ANK3: variants seen among roughly 807,000 people sequenced by gnomAD.
The protein encoded by ANK3 is ankyrin-3.
Under a neutral mutation model 370.9 loss-of-function variants are expected in ANK3, and 57 were observed. The ratio of observed to expected loss-of-function variants is 0.15; its 90% CI spans 0.12 to 0.19. The LOEUF (loss-of-function observed/expected upper bound fraction) is 0.19. Among genes scored for constraint, ANK3 ranks in the 10% least tolerant of loss-of-function variants. The pLI is 1.00. For missense variants in ANK3, 4,439 were observed against 5,302.1 expected (o/e 0.84, Z 5.06); for synonymous variants, 1,929 against 1,946.3 (o/e 0.99, Z 0.23).
intron 2 of ANK3, among the ~76,000 whole-genome samples, chr10:60,529,679 AAC>A (rs1477600513): frequency 6.6e-6 from 1 of 152,148 alleles, no homozygotes; most frequent in African/African-American, 2.4e-5. Flanking sequence ...AACACCAGCT[AAC>A]AGCTTTTAGT....
intron 2 of ANK3, among the ~76,000 whole-genome samples, chr10:60,462,133 T>C (rs2064901021): frequency 1.3e-5 from 2 of 151,950 alleles, no homozygotes; most frequent in African/African-American, 4.8e-5. Flanking sequence ...TGCTTTTCCA[T>C]GATTGGAAGG....
At chr10:60,138,870 A>C (rs1344830482) in intron 24 of ANK3, 94 bp downstream of exon 24, 1 of 1,517,292 alleles carries the variant, frequency 6.6e-7, no homozygotes, top group Non-Finnish European at 9.0e-7. Flanking sequence ...CAAAGAACAC[A>C]TTTTGGGATA....
At chr10:60,562,409 G>A (rs1006643512) in intron 2 of ANK3, among the ~76,000 whole-genome samples, 7 of 150,274 alleles carry the variant, frequency 4.7e-5, no homozygotes, top group Non-Finnish European at 7.4e-5. Context: ...CATTTGTTTC[G>A]GGGGGGGCAT....
chr10:60,180,615 C>CAA (rs990463587), intron 18 of ANK3, among the ~76,000 whole-genome samples: 26,052 of 101,526 alleles, frequency 0.26, 3,351 homozygotes, highest in African/African-American at 0.36. Context: ...AAAAAAAAAC[C>CAA]AAAAAAAAAA....
chr10:60,099,889 A>G (rs2090864429), intron 28 of ANK3, among the ~76,000 whole-genome samples: 1 of 149,118 alleles, frequency 6.7e-6, no homozygotes, highest in African/African-American at 2.5e-5. Flanking sequence ...CTGATGTCCA[A>G]CCTCGTGGAC....
At position 60,621,192 on chromosome 10, in the gene ANK3, C is replaced by T. The variant is rs539406540; in HGVS notation, c.58-5968G>A. Among the ~76,000 whole-genome samples, 50 of 152,228 alleles carry T rather than the reference C, an allele frequency of 3.3e-4. No homozygotes were observed. The South Asian group carries it at 9.1e-3, about 28-fold the overall frequency. The stretch of plus-strand genomic sequence containing the variant: ...GCAATGCAATGCAATGCAATGTGTT[C>T]GCTTATACCTACAAATGCACCTGCC... On this transcript the variant is annotated intron_variant, in intron 1 of 43. Coordinates refer to the ANK3 transcript ENST00000373827.
intron 2 of ANK3, among the ~76,000 whole-genome samples, chr10:60,435,189 G>T (rs995021814): frequency 6.6e-6 from 1 of 152,132 alleles, no homozygotes; most frequent in Non-Finnish European, 1.5e-5. Context: ...TAGGATTACG[G>T]GTTGAATCTG....
At chr10:60,490,423 T>A (rs2075464718) in intron 2 of ANK3, among the ~76,000 whole-genome samples, 1 of 152,138 alleles carries the variant, frequency 6.6e-6, no homozygotes, top group East Asian at 1.9e-4. Flanking sequence ...ACCTCCTCCA[T>A]CCTTAACCCT....
At chr10:60,301,061 T>C (rs1309935698) in intron 1 of ANK3, among the ~76,000 whole-genome samples, 1 of 150,412 alleles carries the variant, frequency 6.6e-6, no homozygotes, top group Non-Finnish European at 1.5e-5. Flanking sequence ...TACAGCACTA[T>C]GCCAAACTCA....
At chr10:60,172,585 C>T (rs2132313804) in intron 20 of ANK3, among the ~76,000 whole-genome samples, 182 bp from the exon 21 acceptor site, 1 of 152,290 alleles carries the variant, frequency 6.6e-6, no homozygotes, top group East Asian at 1.9e-4. Flanking sequence ...AAAGTCTGGG[C>T]AGCTACACAT....
intron 26 of ANK3, among the ~76,000 whole-genome samples, chr10:60,110,130 C>A (rs937418386): frequency 6.6e-6 from 1 of 152,114 alleles, no homozygotes; most frequent in Non-Finnish European, 1.5e-5. Flanking sequence ...AAGTCCCATC[C>A]ATCAAAAATC....
intron 2 of ANK3, among the ~76,000 whole-genome samples, chr10:60,547,089 CTTTT>C (rs5785455): frequency 1.7e-5 from 2 of 120,774 alleles, no homozygotes; most frequent in Non-Finnish European, 1.6e-5. Context: ...CAATGCAACT[CTTTT>C]TTTTTTTTTT....
chr10:60,260,916 C>T lies in ANK3; in HGVS notation c.798+943G>A, dbSNP rs151316834. ...TTTATGAATTACCCAATCTCAGACA[C>T]CTCTTTATAGCAATGTGAAAACAGA... On this transcript the variant is annotated intron_variant, in intron 7 of 43. Coordinates refer to ENST00000280772, the MANE Select transcript of ANK3 (RefSeq NM_020987.5). 3.1e-3 allele frequency among the ~76,000 whole-genome samples: 466 copies of T among 152,232 alleles called. 2 individuals are homozygous for T. The highest frequency in any genetic ancestry group is 0.011 in the African/African-American group (442 of 41,526).
chr10:60,174,960 T>A (rs4486576), intron 18 of ANK3, among the ~76,000 whole-genome samples: 11,637 of 152,236 alleles, frequency 0.076, 595 homozygotes, highest in East Asian at 0.23. Context: ...GCTCAAGTGA[T>A]CTTCCTGCCT....
In ANK3 at chr10:60,075,298, C is replaced by T. The variant is rs548657898; in HGVS notation, c.5583G>A (p.Thr1861=). 140 of 1,614,090 alleles carry T rather than the reference C, an allele frequency of 8.7e-5. No individual in the cohort carries two copies. Among genetic ancestry groups the T allele is most frequent in the South Asian group, 7.9e-4 (72 of 91,078 alleles). ...TGAAGTGAGGCTGAGGATGTGTCTC[C>T]GTAGTCAATGTTTTAATGGGTGACA... ...ALLSPIKTLT[T]ETHPQPHFSR... is the part of the protein sequence containing the mutation. The change falls in exon 37 of 44, where the codon ACG becomes ACA. Residue 1861 remains threonine (T), a synonymous_variant. Coordinates refer to ENST00000280772, the MANE Select transcript of ANK3 (RefSeq NM_020987.5).
chr10:60,249,559 C>T (rs935581445), intron 7 of ANK3, among the ~76,000 whole-genome samples: 2 of 152,152 alleles, frequency 1.3e-5, no homozygotes, highest in East Asian at 1.9e-4. Flanking sequence ...AGGTATCTTG[C>T]CTTCACTTGA....
At chr10:60,142,386 C>G (rs898928570) in intron 23 of ANK3, among the ~76,000 whole-genome samples, 1 of 152,176 alleles carries the variant, frequency 6.6e-6, no homozygotes, top group African/African-American at 2.4e-5. Context: ...CCAGTAAACA[C>G]ATCTGCTTAG....
At chr10:60,581,304 AG>A (rs1188876494) in intron 2 of ANK3, among the ~76,000 whole-genome samples, 1 of 152,186 alleles carries the variant, frequency 6.6e-6, no homozygotes. Context: ...CAAAATATAA[AG>A]GTCGTTCATA....
At chr10:60,414,873 G>A (rs1199967765) in intron 2 of ANK3, among the ~76,000 whole-genome samples, 1 of 152,206 alleles carries the variant, frequency 6.6e-6, no homozygotes, top group Non-Finnish European at 1.5e-5. Flanking sequence ...TAGAAAGGCT[G>A]AGAGGAGGCA....
Sources: gnomAD v4.1 joint callset for allele counts (sites outside exome capture counted in the v4.1 genomes callset) on GRCh38, gnomAD v4.1.1 for gene constraint, MANE v1.5 for transcripts, NCBI Gene and HGNC (gene_info 2026-07-23, HGNC 2026-07-21) for gene names.